PRXL2A: variants seen among roughly 807,000 people sequenced by gnomAD.
PRXL2A encodes peroxiredoxin like 2A, also known as peroxiredoxin-like 2A.
Under a neutral mutation model 25.6 loss-of-function variants are expected in PRXL2A, and 26 were observed. The ratio of observed to expected loss-of-function variants is 1.02; its 90% CI spans 0.74 to 1.41. PRXL2A has a LOEUF of 1.41. Among genes scored for constraint, PRXL2A ranks in the 40% most tolerant of loss-of-function variants. The probability of loss-of-function intolerance (pLI) is 0.00; values close to 1 mark genes in which losing one functional copy is unlikely to be tolerated. For synonymous variants in PRXL2A, 98 were observed against 102.9 expected, an observed-to-expected ratio of 0.95 and a Z score of 0.29; for missense variants, 246 against 273.9, an observed-to-expected ratio of 0.90 and a Z score of 0.72.
Position 80,425,943 on chromosome 10 carries a change from C to T in PRXL2A, c.348C>T (p.His116=), listed in dbSNP as rs1017957166. The T allele has an allele frequency of 6.8e-6, 11 of 1,614,132 alleles. No homozygotes were observed. The highest frequency in any genetic ancestry group is 4.5e-5 in the East Asian group (2 of 44,902). Residue 116 remains histidine (H), a synonymous_variant, in exon 4 of 6, where the codon CAC becomes CAT. Transcript: ENST00000606162. ...GVPLYAVVKE[H]IRTEVKDFQP... is the part of the protein sequence containing the mutation. ...CCCTCTATGCAGTGGTAAAGGAGCA[C>T]ATCAGGACTGAAGTGAAGGATTTCC...
chr10:80,425,772 C>A (rs762325033), intron 3 of PRXL2A, 94 bp from the exon 4 acceptor site: 13 of 1,505,542 alleles, frequency 8.6e-6, no homozygotes, highest in Non-Finnish European at 1.1e-5. Flanking sequence ...CTGGAGAAGA[C>A]AAGGAGCCTG....
At chr10:80,429,930 T>C (rs7916618) in intron 5 of PRXL2A, among the ~76,000 whole-genome samples, 12,518 of 152,120 alleles carry the variant, frequency 0.082, 729 homozygotes, top group African/African-American at 0.16. Context: ...ATGTTTCTGA[T>C]GTTGCTAGGT....
At chr10:80,409,003 A>C (rs2131870704) in intron 1 of PRXL2A, 2 of 984,736 alleles carry the variant, frequency 2.0e-6, no homozygotes. Flanking sequence ...GTTGGGACAA[A>C]GAACAGAGGA....
chr10:80,413,658 G>T (rs905781322), intron 1 of PRXL2A, among the ~76,000 whole-genome samples: 3 of 152,194 alleles, frequency 2.0e-5, no homozygotes, highest in Non-Finnish European at 4.4e-5. Flanking sequence ...GGGCTAGGGG[G>T]CCTTGGCAGC....
chr10:80,415,941 T>C (rs1270580407), intron 1 of PRXL2A, among the ~76,000 whole-genome samples: 3 of 152,194 alleles, frequency 2.0e-5, no homozygotes, highest in African/African-American at 7.2e-5. Flanking sequence ...GTGGGATAGA[T>C]GTAAACTGGT....
In PRXL2A at chr10:80,420,658, C is replaced by T; in HGVS notation, c.178+13C>T. 4 of 1,563,668 alleles carry T rather than the reference C, an allele frequency of 2.6e-6. No homozygotes were observed. The highest frequency in any genetic ancestry group is 1.2e-5 in the South Asian group (1 of 84,058). On this transcript the variant is annotated intron_variant, in intron 2 of 5. Coordinates refer to ENST00000606162, the MANE Select transcript of PRXL2A (RefSeq NM_032333.5). ...ACACTGGAGAAGGGTAAGTGGTGAC[C>T]CTTCAGGTCTCAGTACTTTTCCAAG...
At chr10:80,414,709 C>T (rs766636445) in intron 1 of PRXL2A, among the ~76,000 whole-genome samples, 1 of 152,146 alleles carries the variant, frequency 6.6e-6, no homozygotes, top group Non-Finnish European at 1.5e-5. Flanking sequence ...CTCTGTGACA[C>T]AGGGAAGTTA....
rs1282278877 is a variant in PRXL2A, at chr10:80,435,872, G to A, written c.*3773G>A. Reference sequence around the variant, plus strand: ...AAAGTCATTAATCTCTGTGGGCTTTGGACTTGAAGTTTCAGCAGCCTTTGA... The same window carrying A: ...AAAGTCATTAATCTCTGTGGGCTTTAGACTTGAAGTTTCAGCAGCCTTTGA... On this transcript the variant is annotated 3_prime_UTR_variant, in exon 6 of 6. Transcript: ENST00000606162. 6.6e-6 allele frequency: 1 copy of A among 152,134 alleles called. No individual in the cohort carries two copies. Among genetic ancestry groups the A allele is most frequent in the East Asian group, 1.9e-4 (1 of 5,198 alleles). 9.4% of individuals were successfully genotyped at this position (152,134 alleles called of 1,614,324 possible). A position where few individuals can be genotyped will look rare whatever the true frequency, so the allele number is the denominator to read the frequency against.
rs1266655257 is a variant in PRXL2A at position 80,433,680 on chromosome 10, G to C, written c.*1581G>C. 1 of 152,252 alleles carries C rather than the reference G, an allele frequency of 6.6e-6. No individual in the cohort carries two copies. The highest frequency in any genetic ancestry group is 1.5e-5 in the Non-Finnish European group (1 of 68,074). 9.4% of individuals were successfully genotyped at this position (152,252 alleles called of 1,614,324 possible). ...GGTATGCATGGGCCCTTAAAGGGCTGGGCTTCTGCAGCATTTGAGGCCATA... is the reference window on the plus strand; with the variant it reads ...GGTATGCATGGGCCCTTAAAGGGCTCGGCTTCTGCAGCATTTGAGGCCATA... On this transcript the variant is annotated 3_prime_UTR_variant, in exon 6 of 6. Transcript: ENST00000606162.
chr10:80,432,199 T>G lies in PRXL2A; in HGVS notation c.*100T>G. On this transcript the variant is annotated 3_prime_UTR_variant, in exon 6 of 6. Transcript: ENST00000606162. The stretch of plus-strand genomic sequence containing the variant: ...TGTCCCTAAGGAGTGAGAAACCCAT[T>G]TATACTCTACTCTCAGTATGGATTA... The G allele has an allele frequency of 1.4e-6, 1 of 696,116 alleles. No homozygotes were observed. Among genetic ancestry groups the G allele is most frequent in the Non-Finnish European group, 2.5e-6 (1 of 402,366 alleles). The allele number at this position is 696,116 out of a possible 1,614,324, so 43.1% of individuals were successfully genotyped here. A position where few individuals can be genotyped will look rare whatever the true frequency, so the allele number is the denominator to read the frequency against.
intron 5 of PRXL2A, among the ~76,000 whole-genome samples, chr10:80,429,760 T>C (rs1845184959): frequency 6.6e-6 from 1 of 152,108 alleles, no homozygotes; most frequent in Non-Finnish European, 1.5e-5. Flanking sequence ...GGCAGGCCAC[T>C]TCCCCAGTGG....
intron 1 of PRXL2A, 177 bp from the exon 2 acceptor site, chr10:80,420,289 A>G: frequency 7.4e-7 from 1 of 1,350,800 alleles, no homozygotes; most frequent in East Asian, 2.8e-5. Context: ...TGCATCCCCA[A>G]GTTCTGGTGG....
At chr10:80,409,790 A>C (rs1844417747) in intron 1 of PRXL2A, among the ~76,000 whole-genome samples, 1 of 152,204 alleles carries the variant, frequency 6.6e-6, no homozygotes, top group Non-Finnish European at 1.5e-5. Context: ...ACTTTTTGTA[A>C]GGTACCTCAC....
chr10:80,422,503 C>G lies in PRXL2A; in HGVS notation c.265C>G (p.Arg89Gly). ...GCGGAGGCCAGGCTGTTTCCTCTGT[C>G]GAGAGGTGAGTGCAGATGAGGATCT... ...AVRRPGCFLC[R>G]EEAADLSSLK... Residue 89 changes from arginine to glycine, a missense_variant, in exon 3 of 6, where the codon CGA becomes GGA. Transcript: ENST00000606162. The G allele has an allele frequency of 6.2e-7, 1 of 1,613,018 alleles. No homozygotes were observed. The highest frequency in any genetic ancestry group is 8.5e-7 in the Non-Finnish European group (1 of 1,179,116).
chr10:80,428,903 C>T (rs2131910870), intron 5 of PRXL2A, among the ~76,000 whole-genome samples: 1 of 152,152 alleles, frequency 6.6e-6, no homozygotes, highest in East Asian at 1.9e-4. Context: ...CAAGTTTAAG[C>T]TTTATTTCTT....
At chr10:80,414,167 C>G (rs1844570472) in intron 1 of PRXL2A, among the ~76,000 whole-genome samples, 1 of 152,152 alleles carries the variant, frequency 6.6e-6, no homozygotes, top group Admixed American at 6.5e-5. Flanking sequence ...GACTGGGTCT[C>G]GTCCTCTTGC....
At chr10:80,423,940 G>A (rs144792628) in intron 3 of PRXL2A, among the ~76,000 whole-genome samples, 164 of 152,200 alleles carry the variant, frequency 1.1e-3, no homozygotes, top group African/African-American at 3.7e-3. Flanking sequence ...GGCCACCTAT[G>A]TATATTGGTT....
intron 5 of PRXL2A, among the ~76,000 whole-genome samples, chr10:80,429,312 T>C (rs1845151856): frequency 1.3e-5 from 2 of 152,184 alleles, no homozygotes; most frequent in Non-Finnish European, 2.9e-5. Flanking sequence ...AATAATGGTT[T>C]CCAATGAGTG....
At chr10:80,420,123 G>C in intron 1 of PRXL2A, 1 of 999,246 alleles carries the variant, frequency 1.0e-6, no homozygotes, top group Non-Finnish European at 1.2e-6. Context: ...GCCTACAGGG[G>C]ACATAGCTCG....
Sources: allele counts gnomAD v4.1 joint callset (sites outside exome capture counted in the v4.1 genomes callset), GRCh38; gene constraint gnomAD v4.1.1; transcripts MANE v1.5; gene names NCBI Gene and HGNC (gene_info 2026-07-23, HGNC 2026-07-21).